PTMA: variants seen among roughly 807,000 people sequenced by gnomAD.
PTMA encodes prothymosin alpha.
PTMA carries 4 observed loss-of-function variants against 16.9 expected under a neutral mutation model. The observed-to-expected ratio is 0.24, with a 90% confidence interval of 0.12 to 0.54. The LOEUF (loss-of-function observed/expected upper bound fraction) is 0.54. PTMA is among the 20% of genes least tolerant of loss of function. The probability of loss-of-function intolerance (pLI) is 0.95; values close to 1 mark genes in which losing one functional copy is unlikely to be tolerated. For missense variants in PTMA, 120 were observed against 137.7 expected, an observed-to-expected ratio of 0.87 and a Z score of 0.64; for synonymous variants, 58 against 47.9, an observed-to-expected ratio of 1.21 and a Z score of -0.87.
At chr2:231,710,126 C>T (rs114389792) in intron 1 of PTMA, 18,330 of 1,247,290 alleles carry the variant, frequency 0.015, 184 homozygotes, top group Non-Finnish European at 0.015. Flanking sequence ...AGTCTCGGAC[C>T]TACGCAGCCC....
At chr2:231,710,558 TCCCGCAGG>T (rs1263879937) in intron 1 of PTMA, 3 of 603,582 alleles carry the variant, frequency 5.0e-6, no homozygotes, top group Non-Finnish European at 8.5e-6. Context: ...GCCGAGGGGT[TCCCGCAGG>T]CCCGGACGCC....
intron 1 of PTMA, 60 bp downstream of exon 1, chr2:231,708,811 G>A (rs1026183068): frequency 1.9e-6 from 3 of 1,568,682 alleles, no homozygotes. Flanking sequence ...GGCGGTGTTT[G>A]GCGCGCAGCA....
In PTMA at chr2:231,711,383, A is replaced by G; in HGVS notation, c.81A>G (p.Ala27=). 1 of 1,614,176 alleles carries G rather than the reference A, an allele frequency of 6.2e-7. No individual in the cohort carries two copies. Among genetic ancestry groups the G allele is most frequent in the South Asian group, 1.1e-5 (1 of 91,090 alleles). ...LKEKKEVVEE[A]ENGRDAPANG... ...AGAAGAAGGAAGTTGTGGAAGAGGCAGAAAATGGAAGAGACGCCCCTGCTA... is the reference window on the plus strand; with the variant it reads ...AGAAGAAGGAAGTTGTGGAAGAGGCGGAAAATGGAAGAGACGCCCCTGCTA... The change falls in exon 2 of 5, where the codon GCA becomes GCG. Residue 27 remains alanine (A), a synonymous_variant. Coordinates refer to ENST00000409115, the MANE Select transcript of PTMA (RefSeq NM_002823.5).
intron 1 of PTMA, chr2:231,710,043 AT>A (rs1439746994): frequency 8.2e-7 from 1 of 1,221,338 alleles, no homozygotes; most frequent in African/African-American, 1.6e-5. Flanking sequence ...TGGCTGTTCG[AT>A]TTTCTCCGAA....
rs770766358 is a variant in PTMA at position 231,710,339 on chromosome 2, C to T, written c.46-1009C>T. The stretch of plus-strand genomic sequence containing the variant: ...CTCGGCGGCCCCGGGCCACGTGCTC[C>T]CTGCGCGCGGTGCGTGCCGAGGCCC... On this transcript the variant is annotated intron_variant, in intron 1 of 4. Transcript: ENST00000409115. 3.4e-5 allele frequency: 41 copies of T among 1,222,146 alleles called. 1 individual carries two copies. The highest frequency in any genetic ancestry group is 8.1e-5 in the South Asian group (2 of 24,584). 75.7% of individuals were successfully genotyped at this position (1,222,146 alleles called of 1,614,324 possible).
At chr2:231,711,822 AT>A in intron 2 of PTMA, 67 bp from the exon 3 acceptor site, 5 of 1,582,874 alleles carry the variant, frequency 3.2e-6, no homozygotes, top group Non-Finnish European at 4.3e-6. Flanking sequence ...GAGGCCGGGC[AT>A]CAGGAGCAAC....
chr2:231,711,694 C>A, intron 2 of PTMA, 196 bp from the exon 3 acceptor site: 2 of 1,048,612 alleles, frequency 1.9e-6, no homozygotes, highest in Non-Finnish European at 2.7e-6. Flanking sequence ...AAGCCCTTGT[C>A]CTGGGGCAGT....
At chr2:231,710,407 G>T (rs1440308507) in intron 1 of PTMA, 37 of 1,152,510 alleles carry the variant, frequency 3.2e-5, no homozygotes, top group Non-Finnish European at 3.9e-5. Context: ...CCTGCGCGCC[G>T]CGACCTCCCT....
intron 1 of PTMA, chr2:231,710,380 C>T (rs1315075783): frequency 4.2e-6 from 5 of 1,186,100 alleles, no homozygotes; most frequent in Non-Finnish European, 3.1e-6. Flanking sequence ...CAAAGCCCGC[C>T]GGGCGGGGGA....
At chr2:231,709,167 G>T (rs1410198120) in intron 1 of PTMA, among the ~76,000 whole-genome samples, 1 of 152,144 alleles carries the variant, frequency 6.6e-6, no homozygotes, top group South Asian at 2.1e-4. Flanking sequence ...GTTGGGGCGC[G>T]GGCCGGCCGC....
chr2:231,711,132 A>G (rs2048513121), intron 1 of PTMA: 1 of 453,210 alleles, frequency 2.2e-6, no homozygotes, highest in South Asian at 2.9e-5. Flanking sequence ...CGGGCCTTAA[A>G]GGATGGGAAA....
intron 1 of PTMA, among the ~76,000 whole-genome samples, chr2:231,709,418 G>C (rs1254465580): frequency 6.6e-6 from 1 of 152,188 alleles, no homozygotes; most frequent in East Asian, 1.9e-4. Flanking sequence ...CGCCGGGAGC[G>C]GCCGCCCAGC....
intron 1 of PTMA, chr2:231,710,302 G>T: frequency 7.9e-7 from 1 of 1,258,830 alleles, no homozygotes; most frequent in Non-Finnish European, 1.0e-6. Flanking sequence ...AGTCTCCAAG[G>T]CAAGGGACGC....
In PTMA at chr2:231,713,419, T is replaced by C. The variant is rs755235375; in HGVS notation, c.*568T>C. On this transcript the variant is annotated 3_prime_UTR_variant, in exon 5 of 5. Transcript: ENST00000409115. ...AAAAAGGCCAAAGATAAAAGGTTTCTTTTTTTTTCCTTTTTTGTCTATGAA... is the reference window on the plus strand; with the variant it reads ...AAAAAGGCCAAAGATAAAAGGTTTCCTTTTTTTTCCTTTTTTGTCTATGAA... The C allele has an allele frequency of 2.4e-5, 12 of 509,958 alleles. No homozygotes were observed. The highest frequency in any genetic ancestry group is 1.6e-4 in the African/African-American group (8 of 50,036). 31.6% of individuals were successfully genotyped at this position (509,958 alleles called of 1,614,324 possible). A position where few individuals can be genotyped will look rare whatever the true frequency, so the allele number is the denominator to read the frequency against.
Position 231,708,528 on chromosome 2 carries a change from C to A in PTMA, c.-179C>A, listed in dbSNP as rs925060824. The A allele has an allele frequency of 2.8e-6, 2 of 721,896 alleles. No individual in the cohort carries two copies. The highest frequency in any genetic ancestry group is 2.4e-5 in the Admixed American group (1 of 42,494). 44.7% of individuals were successfully genotyped at this position (721,896 alleles called of 1,614,324 possible). Reference sequence around the variant, plus strand: ...AAGCTTCTGGCGCCGCGTGAGTCCCCCACTGGCTGCTCTGAAAAGCCATCT... The same window carrying A: ...AAGCTTCTGGCGCCGCGTGAGTCCCACACTGGCTGCTCTGAAAAGCCATCT... On this transcript the variant is annotated 5_prime_UTR_variant, in exon 1 of 5. Transcript: ENST00000409115.
rs896708665 is a variant in PTMA, at chr2:231,708,542, G to A, written c.-165G>A. 4 of 801,950 alleles carry A rather than the reference G, an allele frequency of 5.0e-6. No homozygotes were observed. Among genetic ancestry groups the A allele is most frequent in the Non-Finnish European group, 8.2e-6 (4 of 485,370 alleles). The allele number at this position is 801,950 out of a possible 1,614,324, so 49.7% of individuals were successfully genotyped here. On this transcript the variant is annotated 5_prime_UTR_variant, in exon 1 of 5. Coordinates refer to ENST00000409115, the MANE Select transcript of PTMA (RefSeq NM_002823.5). ...GCGTGAGTCCCCCACTGGCTGCTCT[G>A]AAAAGCCATCTTTGCATTGTTCCTC...
chr2:231,710,031 C>T, intron 1 of PTMA: 1 of 1,199,702 alleles, frequency 8.3e-7, no homozygotes, highest in Non-Finnish European at 1.0e-6. Flanking sequence ...CAGTGCGGGG[C>T]CTGGCTGTTC....
At chr2:231,709,997 T>G (rs2048495389) in intron 1 of PTMA, 10 of 1,059,714 alleles carry the variant, frequency 9.4e-6, no homozygotes, top group Non-Finnish European at 1.1e-5. Flanking sequence ...CGGGAATGAG[T>G]TTGTGGGGTG....
rs3087853 is a variant in PTMA at position 231,709,070 on chromosome 2, C to T, written c.45+319C>T. ...TGAGTGGCGGCGGGAGGAGAAGAGC[C>T]TGGCTGGGGGTCGTCGGCCCGCCGG... On this transcript the variant is annotated intron_variant, in intron 1 of 4. Transcript: ENST00000409115. Among the ~76,000 whole-genome samples, 3 of 152,106 alleles carry T rather than the reference C, an allele frequency of 2.0e-5. No homozygotes were observed. In the South Asian group the frequency reaches 6.2e-4, roughly 31 times the overall value.
Sources: allele counts gnomAD v4.1 joint callset (sites outside exome capture counted in the v4.1 genomes callset), GRCh38; gene constraint gnomAD v4.1.1; transcripts MANE v1.5; gene names NCBI Gene and HGNC (gene_info 2026-07-23, HGNC 2026-07-21).